Variants in GRID1 observed in about 807,000 individuals in gnomAD.
GRID1 encodes glutamate receptor ionotropic, delta-1.
A neutral mutation model predicts 98.0 loss-of-function variants in GRID1; 28 were observed. That is an observed-to-expected ratio of 0.29 (90% CI 0.21 to 0.39). The LOEUF is 0.39. Among genes scored for constraint, GRID1 ranks in the 10% least tolerant of loss-of-function variants. The pLI is 1.00. For synonymous variants in GRID1, 553 were observed against 538.5 expected, an observed-to-expected ratio of 1.03 and a Z score of -0.37; for missense variants, 1,111 against 1,340.5, an observed-to-expected ratio of 0.83 and a Z score of 2.67.
intron 5 of GRID1, among the ~76,000 whole-genome samples, chr10:85,910,764 T>A (rs188628073): frequency 1.6e-3 from 238 of 152,202 alleles, no homozygotes; most frequent in African/African-American, 5.6e-3. Flanking sequence ...AGAAAAGAGA[T>A]CAGCTTGTTC....
intron 8 of GRID1, among the ~76,000 whole-genome samples, chr10:85,807,269 G>C (rs887988851): frequency 2.0e-5 from 3 of 151,774 alleles, no homozygotes; most frequent in Admixed American, 6.6e-5. Flanking sequence ...AGAATCACTT[G>C]AACCCAGGAG....
chr10:85,660,389 A>G (rs1055425510), intron 12 of GRID1, among the ~76,000 whole-genome samples: 1 of 152,242 alleles, frequency 6.6e-6, no homozygotes, highest in Non-Finnish European at 1.5e-5. Flanking sequence ...GCTACAGAAC[A>G]CCAGATACAC....
chr10:86,076,867 T>G (rs569594379), intron 4 of GRID1, among the ~76,000 whole-genome samples: 9 of 140,802 alleles, frequency 6.4e-5, no homozygotes, highest in Admixed American at 1.4e-4. Context: ...ATCTCTGGCT[T>G]CTTCTTCCCA....
At chr10:86,259,658 C>CTGTGTG (rs150403696) in intron 2 of GRID1, among the ~76,000 whole-genome samples, 2 of 150,184 alleles carry the variant, frequency 1.3e-5, no homozygotes, top group African/African-American at 4.9e-5. Context: ...TAACACATGT[C>CTGTGTG]TGTGTGTGTG....
At chr10:86,000,889 T>C (rs891851885) in intron 4 of GRID1, among the ~76,000 whole-genome samples, 6 of 151,934 alleles carry the variant, frequency 3.9e-5, no homozygotes, top group African/African-American at 1.5e-4. Context: ...AAAAAATTCA[T>C]ACCAGAAAAA....
intron 2 of GRID1, among the ~76,000 whole-genome samples, chr10:86,296,701 T>G (rs182622075): frequency 3.9e-5 from 6 of 152,236 alleles, no homozygotes; most frequent in African/African-American, 1.4e-4. Flanking sequence ...ATTGCACCAT[T>G]GCACTCCAGC....
chr10:85,914,731 T>C (rs1335132769), intron 5 of GRID1, among the ~76,000 whole-genome samples: 1 of 152,132 alleles, frequency 6.6e-6, no homozygotes, highest in Admixed American at 6.5e-5. Flanking sequence ...AAAGAACTAA[T>C]GAGGAAACAG....
intron 1 of GRID1, 45 bp from the exon 2 acceptor site, chr10:86,364,141 CT>C: frequency 6.4e-7 from 1 of 1,566,188 alleles, no homozygotes; most frequent in Non-Finnish European, 8.7e-7. Context: ...CAAGAACCCT[CT>C]CCCCGCTTCC....
intron 4 of GRID1, among the ~76,000 whole-genome samples, chr10:86,131,071 G>C (rs1036860274): frequency 1.3e-5 from 2 of 152,222 alleles, no homozygotes; most frequent in Admixed American, 6.5e-5. Context: ...GCCATGTGCA[G>C]AGAATGGCAC....
At chr10:85,769,526 G>C (rs1046834542) in intron 8 of GRID1, among the ~76,000 whole-genome samples, 2 of 152,234 alleles carry the variant, frequency 1.3e-5, no homozygotes, top group African/African-American at 4.8e-5. Context: ...GCGAGGCATT[G>C]CCTCACTCGG....
chr10:85,955,370 C>T (rs1049632093), intron 4 of GRID1, among the ~76,000 whole-genome samples: 6 of 152,048 alleles, frequency 3.9e-5, no homozygotes, highest in South Asian at 2.1e-4. Context: ...CTCCAGCATG[C>T]GAGACAACTT....
At position 85,865,912 on chromosome 10, in the gene GRID1, CATATATAT is replaced by C. The variant is rs375258556; in HGVS notation, c.951+3090_951+3097del. 7.0e-3 allele frequency among the ~76,000 whole-genome samples: 585 copies of C among 83,100 alleles called. 16 individuals carry two copies. Among genetic ancestry groups the C allele is most frequent in the African/African-American group, 0.027 (482 of 18,006 alleles). 54.5% of individuals were successfully genotyped at this position (83,100 alleles called of 152,430 possible). ...TTTAATAAAGTGTTTTACATATATA[CATATATAT>C]ATATATATATATATATATATATACA... On this transcript the variant is annotated intron_variant, in intron 6 of 15. Coordinates refer to ENST00000327946, the MANE Select transcript of GRID1 (RefSeq NM_017551.3).
At chr10:85,689,104 C>T (rs1298888193) in intron 12 of GRID1, among the ~76,000 whole-genome samples, 4 of 152,114 alleles carry the variant, frequency 2.6e-5, no homozygotes, top group Admixed American at 1.3e-4. Flanking sequence ...AAAATGTCTC[C>T]GTCGAGCACG....
rs80079170 is a variant in GRID1 at position 86,323,744 on chromosome 10, G to A, written c.235+40197C>T. Among the ~76,000 whole-genome samples the A allele has an allele frequency of 1.5e-3, 230 of 152,322 alleles. 3 individuals are homozygous for A. The East Asian group carries it at 0.04, about 26-fold the overall frequency. On this transcript the variant is annotated intron_variant, in intron 2 of 15. Transcript: ENST00000327946. ...GGCAATGGTTGCACAACATCGGAAT[G>A]TACTGGAAGTCACTGAAGTGTATAC...
intron 4 of GRID1, among the ~76,000 whole-genome samples, chr10:86,060,085 G>C (rs764514200): frequency 2.0e-5 from 3 of 152,144 alleles, no homozygotes; most frequent in Non-Finnish European, 4.4e-5. Flanking sequence ...GCCTGGGAAG[G>C]CTTTGAATAA....
intron 5 of GRID1, among the ~76,000 whole-genome samples, chr10:85,870,852 A>G (rs913084074): frequency 2.6e-5 from 4 of 152,158 alleles, no homozygotes; most frequent in African/African-American, 9.7e-5. Context: ...GAGGGTCAGT[A>G]CACCCCACAA....
intron 2 of GRID1, among the ~76,000 whole-genome samples, chr10:86,214,514 A>G (rs1439692932): frequency 2.6e-5 from 4 of 152,160 alleles, no homozygotes; most frequent in Admixed American, 2.0e-4. Flanking sequence ...CCATAAGCAG[A>G]AGCACCTTCA....
intron 8 of GRID1, among the ~76,000 whole-genome samples, chr10:85,816,550 C>A (rs1253967858): frequency 2.0e-5 from 3 of 152,094 alleles, no homozygotes; most frequent in Admixed American, 2.0e-4. Context: ...AGAAAGAAGC[C>A]ACACAAGACA....
chr10:85,708,078 C>T (rs189533596), intron 12 of GRID1, among the ~76,000 whole-genome samples: 145 of 149,168 alleles, frequency 9.7e-4, no homozygotes, highest in Admixed American at 6.3e-3. Flanking sequence ...CAAACCTGCA[C>T]GTTGTGCACG....
Sources: allele counts gnomAD v4.1 joint callset (sites outside exome capture counted in the v4.1 genomes callset), GRCh38; gene constraint gnomAD v4.1.1; transcripts MANE v1.5; gene names NCBI Gene and HGNC (gene_info 2026-07-23, HGNC 2026-07-21).